ERBIN: variants seen among roughly 807,000 people sequenced by gnomAD.
The protein encoded by ERBIN is erbb2 interacting protein.
Under a neutral mutation model 158.4 loss-of-function variants are expected in ERBIN, and 60 were observed. The ratio of observed to expected loss-of-function variants is 0.38; its 90% CI spans 0.31 to 0.47. The LOEUF (loss-of-function observed/expected upper bound fraction) is 0.47. Among genes scored for constraint, ERBIN ranks in the 20% least tolerant of loss-of-function variants. The pLI, the probability that ERBIN is intolerant of heterozygous loss-of-function variation, is 0.99. For synonymous variants in ERBIN, 594 were observed against 557.2 expected (o/e 1.07, Z -0.93); for missense variants, 1,610 against 1,648.0 (o/e 0.98, Z 0.40).
intron 24 of ERBIN, chr5:66,076,633 ACTTT>A (rs1762008272): frequency 5.0e-6 from 3 of 596,790 alleles, no homozygotes; most frequent in African/African-American, 3.8e-5. Context: ...ATGATTTTTA[ACTTT>A]CTTATTGCTT....
At chr5:66,018,539 A>T (rs796988707) in intron 7 of ERBIN, among the ~76,000 whole-genome samples, 1,047 of 9,496 alleles carry the variant, frequency 0.11, 359 homozygotes, top group Non-Finnish European at 0.3. Flanking sequence ...ATATTATATA[A>T]TATATATTAT....
At chr5:66,039,187 A>C (rs999857001) in intron 15 of ERBIN, among the ~76,000 whole-genome samples, 2 of 151,988 alleles carry the variant, frequency 1.3e-5, no homozygotes, top group Non-Finnish European at 2.9e-5. Context: ...AGTCATTTCA[A>C]TCATAAGTCT....
intron 4 of ERBIN, among the ~76,000 whole-genome samples, chr5:65,997,520 C>T (rs756766859): frequency 1.5e-4 from 23 of 152,140 alleles, no homozygotes; most frequent in Non-Finnish European, 2.6e-4. Context: ...AGAGAGAAAT[C>T]AGCCCTTGAA....
At chr5:65,967,144 T>G (rs942628168) in intron 1 of ERBIN, among the ~76,000 whole-genome samples, 2 of 152,110 alleles carry the variant, frequency 1.3e-5, no homozygotes, top group African/African-American at 4.8e-5. Context: ...CTGTACAGTG[T>G]GTTTGTGTTT....
intron 1 of ERBIN, among the ~76,000 whole-genome samples, chr5:65,940,406 G>A: frequency 6.9e-6 from 1 of 145,364 alleles, no homozygotes; most frequent in Non-Finnish European, 1.5e-5. Flanking sequence ...ACCTCGTCCG[G>A]GAGGGAGGTG....
chr5:66,061,260 TA>T (rs535396826), intron 21 of ERBIN, among the ~76,000 whole-genome samples: 6,108 of 151,862 alleles, frequency 0.04, 406 homozygotes, highest in African/African-American at 0.14. Context: ...TTAGGATAGT[TA>T]GTTCTTGTTG....
chr5:66,076,684 A>T, intron 24 of ERBIN, 191 bp from the exon 25 acceptor site: 1 of 608,416 alleles, frequency 1.6e-6, no homozygotes, highest in Non-Finnish European at 2.9e-6. Flanking sequence ...ATTACTCTCA[A>T]GAGAAATCAC....
In ERBIN at chr5:65,994,871, C is replaced by CT. The variant is rs753861899; in HGVS notation, c.307+14dup. 7.2e-6 allele frequency: 11 copies of CT among 1,534,884 alleles called. No individual in the cohort carries two copies. Among genetic ancestry groups the CT allele is most frequent in the East Asian group, 6.9e-5 (3 of 43,386 alleles). On this transcript the variant is annotated splice_region_variant and intron_variant, in intron 4 of 25. Coordinates refer to ENST00000284037, the MANE Select transcript of ERBIN (RefSeq NM_001253697.2). ...CTGGATGTCAGCAAGAATGGTAAGG[C>CT]TTTTTTTGCCCATAATTTTTTGTAC... is the stretch of plus-strand genomic sequence containing the variant.
intron 1 of ERBIN, among the ~76,000 whole-genome samples, chr5:65,983,149 C>T (rs932229868): frequency 2.6e-5 from 4 of 152,152 alleles, no homozygotes; most frequent in Non-Finnish European, 5.9e-5. Context: ...CATGTTTAGG[C>T]TAACTATAGT....
chr5:66,072,118 T>G, intron 21 of ERBIN, 51 bp from the exon 22 acceptor site: 2 of 1,527,496 alleles, frequency 1.3e-6, no homozygotes, highest in South Asian at 2.5e-5. Flanking sequence ...TCCTCTTGGT[T>G]TCACATCTTA....
intron 4 of ERBIN, among the ~76,000 whole-genome samples, chr5:66,000,720 T>G (rs1752936072): frequency 6.6e-6 from 1 of 152,194 alleles, no homozygotes; most frequent in Admixed American, 6.5e-5. Context: ...AATTGGTTTT[T>G]TTGCATTTTA....
intron 1 of ERBIN, among the ~76,000 whole-genome samples, chr5:65,946,441 A>G (rs1444407067): frequency 6.6e-6 from 1 of 152,210 alleles, no homozygotes; most frequent in Non-Finnish European, 1.5e-5. Flanking sequence ...TACTTGGAAG[A>G]TTCCAGAGTT....
chr5:66,024,671 T>A (rs1408621037), intron 10 of ERBIN, among the ~76,000 whole-genome samples: 1 of 152,198 alleles, frequency 6.6e-6, no homozygotes, highest in Non-Finnish European at 1.5e-5. Flanking sequence ...TTCTAATATA[T>A]TTAAATTCTT....
At chr5:66,065,044 C>A (rs1042878406) in intron 21 of ERBIN, among the ~76,000 whole-genome samples, 1 of 151,998 alleles carries the variant, frequency 6.6e-6, no homozygotes, top group African/African-American at 2.4e-5. Context: ...GAAATGAAGT[C>A]TTTAAAGCAT....
intron 1 of ERBIN, among the ~76,000 whole-genome samples, chr5:65,943,358 T>G (rs937817152): frequency 6.6e-6 from 1 of 152,248 alleles, no homozygotes; most frequent in African/African-American, 2.4e-5. Flanking sequence ...TTACTGATGT[T>G]GAAATTACCT....
At chr5:65,962,221 C>T (rs1748001682) in intron 1 of ERBIN, among the ~76,000 whole-genome samples, 1 of 152,160 alleles carries the variant, frequency 6.6e-6, no homozygotes, top group Admixed American at 6.5e-5. Context: ...TCCTTCCTGA[C>T]TTGTGTCCCA....
chr5:66,074,411 TTAATAA>T (rs201762758), intron 22 of ERBIN, among the ~76,000 whole-genome samples: 3 of 136,120 alleles, frequency 2.2e-5, no homozygotes, highest in Non-Finnish European at 4.5e-5. Flanking sequence ...GTCTATGGAA[TTAATAA>T]TAAGAGATTA....
chr5:65,935,875 C>T (rs535509469), intron 1 of ERBIN, among the ~76,000 whole-genome samples: 1 of 152,278 alleles, frequency 6.6e-6, no homozygotes, highest in East Asian at 1.9e-4. Flanking sequence ...CAGGCATATG[C>T]CACCACGCCC....
intron 1 of ERBIN, among the ~76,000 whole-genome samples, chr5:65,945,618 A>G (rs152941): frequency 0.73 from 111,679 of 152,098 alleles, 42,753 homozygotes; most frequent in Non-Finnish European, 0.86. Context: ...TAGCCATTCA[A>G]TTTAAAACTT....
Sources: allele counts gnomAD v4.1 joint callset (sites outside exome capture counted in the v4.1 genomes callset), GRCh38; gene constraint gnomAD v4.1.1; transcripts MANE v1.5; gene names NCBI Gene and HGNC (gene_info 2026-07-23, HGNC 2026-07-21).